The following SULF1 variants were observed in gnomAD, a reference collection of about 807,000 sequenced individuals.
The protein encoded by SULF1 is extracellular sulfatase Sulf-1.
Under a neutral mutation model 110.5 loss-of-function variants are expected in SULF1, and 46 were observed. That is an observed-to-expected ratio of 0.42 (90% CI 0.33 to 0.53). The LOEUF is 0.53. Among genes scored for constraint, SULF1 ranks in the 20% least tolerant of loss-of-function variants. The pLI, the probability that SULF1 is intolerant of heterozygous loss-of-function variation, is 0.12. For missense variants in SULF1, 941 were observed against 1,094.2 expected, an observed-to-expected ratio of 0.86 and a Z score of 1.98; for synonymous variants, 371 against 387.1, an observed-to-expected ratio of 0.96 and a Z score of 0.49.
chr8:69,626,482 C>T (rs951358578), intron 15 of SULF1, among the ~76,000 whole-genome samples: 1 of 152,242 alleles, frequency 6.6e-6, no homozygotes, highest in African/African-American at 2.4e-5. Context: ...GCCATGCGCT[C>T]GCACTCCTCA....
chr8:69,618,636 C>T (rs1211134714), intron 13 of SULF1, among the ~76,000 whole-genome samples: 2 of 152,158 alleles, frequency 1.3e-5, no homozygotes. Flanking sequence ...AGATGCTAAA[C>T]GTTCAAGACA....
intron 13 of SULF1, among the ~76,000 whole-genome samples, chr8:69,605,328 C>T (rs953315789): frequency 3.3e-5 from 5 of 152,148 alleles, no homozygotes; most frequent in African/African-American, 1.2e-4. Flanking sequence ...ATGATAGGGC[C>T]TTCACCCTAG....
At chr8:69,586,758 A>C (rs1239224018) in intron 7 of SULF1, among the ~76,000 whole-genome samples, 1 of 151,958 alleles carries the variant, frequency 6.6e-6, no homozygotes, top group African/African-American at 2.4e-5. Context: ...CAAGAAAATC[A>C]GAATTCTCTG....
chr8:69,654,160 A>G (rs1812548518), intron 22 of SULF1, among the ~76,000 whole-genome samples: 7 of 152,188 alleles, frequency 4.6e-5, no homozygotes. Flanking sequence ...CAAGCTGTTA[A>G]TGTAATATTG....
chr8:69,619,463 T>C (rs1013139118), intron 13 of SULF1, among the ~76,000 whole-genome samples: 2 of 152,150 alleles, frequency 1.3e-5, no homozygotes, highest in Non-Finnish European at 2.9e-5. Flanking sequence ...ACCCCCAGGG[T>C]GAAGAGCTAT....
intron 3 of SULF1, among the ~76,000 whole-genome samples, chr8:69,527,666 A>G (rs1812791206): frequency 1.3e-5 from 2 of 151,716 alleles, no homozygotes; most frequent in South Asian, 4.1e-4. Flanking sequence ...TAGAGGACAG[A>G]TAGATAGAGT....
chr8:69,597,457 A>C (rs1340131450), intron 8 of SULF1: 3 of 152,238 alleles, frequency 2.0e-5, no homozygotes, highest in Non-Finnish European at 4.4e-5. Context: ...CATATCAAGA[A>C]ATTAAGAAAA....
intron 22 of SULF1, among the ~76,000 whole-genome samples, chr8:69,647,947 C>T (rs1393926340): frequency 6.6e-6 from 1 of 151,194 alleles, no homozygotes; most frequent in Admixed American, 6.6e-5. Flanking sequence ...ATTTTGGTGT[C>T]CTGCTAGTAT....
intron 1 of SULF1, among the ~76,000 whole-genome samples, chr8:69,479,823 A>C (rs995044673): frequency 2.6e-5 from 4 of 152,158 alleles, no homozygotes; most frequent in African/African-American, 9.7e-5. Context: ...TATCTTTCTA[A>C]AAAGTATGAG....
intron 3 of SULF1, among the ~76,000 whole-genome samples, chr8:69,538,128 A>AT (rs1178032525): frequency 6.6e-6 from 1 of 151,982 alleles, no homozygotes. Flanking sequence ...CGCCCTGCTA[A>AT]TTTTTTGTAC....
In SULF1 at chr8:69,624,775, G is replaced by A. The variant is rs118139127; in HGVS notation, c.1850+578G>A. Among the ~76,000 whole-genome samples the A allele has an allele frequency of 2.4e-3, 372 of 152,258 alleles. 1 individual carries two copies. Among genetic ancestry groups the A allele is most frequent in the East Asian group, 8.7e-3 (45 of 5,180 alleles). Reference sequence around the variant, plus strand: ...ACAGAGAGGGCCCTGGAAGTCAAGGGGACAGGGAAGGCAGATGATTCCCTC... The same window carrying A: ...ACAGAGAGGGCCCTGGAAGTCAAGGAGACAGGGAAGGCAGATGATTCCCTC... On this transcript the variant is annotated intron_variant, in intron 15 of 22. Transcript: ENST00000402687.
At chr8:69,508,831 C>A (rs1586258743) in intron 3 of SULF1, among the ~76,000 whole-genome samples, 1 of 152,156 alleles carries the variant, frequency 6.6e-6, no homozygotes, top group African/African-American at 2.4e-5. Flanking sequence ...CCCAGCAGGA[C>A]ACAGTGGCCA....
At chr8:69,548,699 T>G (rs1050382417) in intron 3 of SULF1, among the ~76,000 whole-genome samples, 30 of 150,436 alleles carry the variant, frequency 2.0e-4, no homozygotes, top group Non-Finnish European at 3.7e-4. Context: ...GACCTCAAGT[T>G]ATCCACCCAC....
intron 18 of SULF1, among the ~76,000 whole-genome samples, chr8:69,628,677 G>C (rs1223136465): frequency 2.0e-5 from 3 of 152,092 alleles, no homozygotes; most frequent in African/African-American, 7.2e-5. Flanking sequence ...AGGAGATTTA[G>C]TATTTAAACT....
At chr8:69,581,238 A>G (rs1398132591) in intron 6 of SULF1, among the ~76,000 whole-genome samples, 1 of 152,252 alleles carries the variant, frequency 6.6e-6, no homozygotes, top group Non-Finnish European at 1.5e-5. Context: ...CATCACCCTA[A>G]GTCTATCAAT....
chr8:69,582,485 T>C (rs1806144346), intron 6 of SULF1, among the ~76,000 whole-genome samples: 1 of 152,184 alleles, frequency 6.6e-6, no homozygotes, highest in African/African-American at 2.4e-5. Flanking sequence ...TACATATGTG[T>C]TGATGCATTT....
At chr8:69,544,361 C>A (rs185244347) in intron 3 of SULF1, among the ~76,000 whole-genome samples, 1 of 151,956 alleles carries the variant, frequency 6.6e-6, no homozygotes, top group African/African-American at 2.4e-5. Context: ...CTCTACCTCC[C>A]GGGTTCAGGC....
intron 10 of SULF1, among the ~76,000 whole-genome samples, chr8:69,602,559 C>T (rs1379507367): frequency 6.6e-6 from 1 of 152,186 alleles, no homozygotes; most frequent in African/African-American, 2.4e-5. Context: ...CGTCAGTGCC[C>T]CTCTCAGATC....
rs1217509707 is a variant in SULF1 at position 69,586,150 on chromosome 8, A to G, written c.413-207A>G. 1.2e-4 allele frequency among the ~76,000 whole-genome samples: 18 copies of G among 152,158 alleles called. 1 individual carries two copies. Among genetic ancestry groups the G allele is most frequent in the Admixed American group, 1.2e-3 (18 of 15,272 alleles). ...ATTGAGCTGTAATCCATGTACTTGG[A>G]TACTACTTCTATTTATTTTTTAAAA... On this transcript the variant is annotated intron_variant, in intron 6 of 22. Transcript: ENST00000402687.
Sources: allele counts gnomAD v4.1 joint callset (sites outside exome capture counted in the v4.1 genomes callset), GRCh38; gene constraint gnomAD v4.1.1; transcripts MANE v1.5; gene names NCBI Gene and HGNC (gene_info 2026-07-23, HGNC 2026-07-21).